CHUK: variants seen among roughly 807,000 people sequenced by gnomAD.
CHUK encodes the protein component of inhibitor of nuclear factor kappa B kinase complex.
Under a neutral mutation model 104.8 loss-of-function variants are expected in CHUK, and 35 were observed. The observed-to-expected ratio is 0.33, with a 90% confidence interval of 0.26 to 0.44. CHUK has a LOEUF of 0.44. Ranked by LOEUF, CHUK falls within the 20% of genes least tolerant of loss-of-function variation. The pLI, the probability that CHUK is intolerant of heterozygous loss-of-function variation, is 1.00. For missense variants in CHUK, 663 were observed against 902.7 expected, an observed-to-expected ratio of 0.73 and a Z score of 3.40; for synonymous variants, 276 against 291.9, an observed-to-expected ratio of 0.95 and a Z score of 0.56.
chr10:100,211,010 G>T (rs923238739), intron 9 of CHUK, among the ~76,000 whole-genome samples: 1 of 152,208 alleles, frequency 6.6e-6, no homozygotes, highest in African/African-American at 2.4e-5. Flanking sequence ...ACATTGACTA[G>T]TATATGCAAA....
rs1845139433 is a variant in CHUK, at chr10:100,189,252, C to G, written c.*346G>C. 9.2e-6 allele frequency: 2 copies of G among 216,774 alleles called. No homozygotes were observed. Among genetic ancestry groups the G allele is most frequent in the East Asian group, 1.0e-4 (1 of 9,960 alleles). The allele number at this position is 216,774 out of a possible 1,614,324, so 13.4% of individuals were successfully genotyped here. A position where few individuals can be genotyped will look rare whatever the true frequency, so the allele number is the denominator to read the frequency against. ...TACGCCCAAAAGTTAAAAGTTGACACTAATACATAGAAGGTATTTTTAATC... is the reference window on the plus strand; with the variant it reads ...TACGCCCAAAAGTTAAAAGTTGACAGTAATACATAGAAGGTATTTTTAATC... On this transcript the variant is annotated 3_prime_UTR_variant, in exon 21 of 21. Transcript: ENST00000370397.
At chr10:100,193,810 A>G (rs980663605) in intron 18 of CHUK, 174 bp downstream of exon 18, 14 of 656,414 alleles carry the variant, frequency 2.1e-5, no homozygotes, top group Non-Finnish European at 3.2e-5. Context: ...AGAGATGATA[A>G]TAAGTCCTGC....
At chr10:100,201,266 T>C (rs1040043760) in intron 14 of CHUK, among the ~76,000 whole-genome samples, 2 of 152,084 alleles carry the variant, frequency 1.3e-5, no homozygotes, top group Non-Finnish European at 2.9e-5. Context: ...AGGAGTGTAA[T>C]AACTTAGGAC....
Position 100,209,769 on chromosome 10 carries a change from C to T in CHUK, c.954G>A (p.Met318Ile), listed in dbSNP as rs1314824076. ...GAAAAGAAATTATCTTTGCAGAAGT[C>T]ATATTTAGGATGTGTACTATCTGTA... ...LNLKIVHILN[M>I]TSAKIISFLL... The change falls in exon 10 of 21, where the codon ATG becomes ATA. Residue 318 changes from methionine to isoleucine, a missense_variant. Physicochemically the swap from Met to Ile is conservative, Grantham distance 10. Coordinates refer to ENST00000370397, the MANE Select transcript of CHUK (RefSeq NM_001278.5). The T allele has an allele frequency of 6.9e-7, 1 of 1,451,420 alleles. No homozygotes were observed. Among genetic ancestry groups the T allele is most frequent in the Non-Finnish European group, 9.7e-7 (1 of 1,032,314 alleles). The allele number at this position is 1,451,420 out of a possible 1,614,324, so 89.9% of individuals were successfully genotyped here.
At position 100,188,970 on chromosome 10, in the gene CHUK, T is replaced by C. The variant is rs1845133702; in HGVS notation, c.*628A>G. ...AACATGATTTATGAAAGCCAACTAATATTAGAAGCACAGATACACAATCCC... is the reference window on the plus strand; with the variant it reads ...AACATGATTTATGAAAGCCAACTAACATTAGAAGCACAGATACACAATCCC... On this transcript the variant is annotated 3_prime_UTR_variant, in exon 21 of 21. Transcript: ENST00000370397. 6.6e-6 allele frequency: 1 copy of C among 152,256 alleles called. No homozygotes were observed. Among genetic ancestry groups the C allele is most frequent in the Admixed American group, 6.5e-5 (1 of 15,296 alleles). 9.4% of individuals were successfully genotyped at this position (152,256 alleles called of 1,614,324 possible). A position where few individuals can be genotyped will look rare whatever the true frequency, so the allele number is the denominator to read the frequency against.
chr10:100,219,679 T>C (rs1845942340), intron 5 of CHUK, among the ~76,000 whole-genome samples: 1 of 152,182 alleles, frequency 6.6e-6, no homozygotes, highest in Admixed American at 6.5e-5. Flanking sequence ...AGGTGGGCTA[T>C]TAATTTTTAT....
chr10:100,223,496 G>C (rs1214589272), intron 2 of CHUK, among the ~76,000 whole-genome samples: 1 of 152,084 alleles, frequency 6.6e-6, no homozygotes, highest in African/African-American at 2.4e-5. Context: ...AAATTAGCCG[G>C]GTGTGGTGGC....
intron 16 of CHUK, among the ~76,000 whole-genome samples, 181 bp downstream of exon 16, chr10:100,199,790 T>A (rs1845420963): frequency 6.6e-6 from 1 of 152,162 alleles, no homozygotes; most frequent in Non-Finnish European, 1.5e-5. Flanking sequence ...CTCTTTATCA[T>A]CTCCTAAATT....
Position 100,218,085 on chromosome 10 carries a change from A to G in CHUK, c.843T>C (p.Asn281=), listed in dbSNP as rs753944985. 5 of 1,612,988 alleles carry G rather than the reference A, an allele frequency of 3.1e-6. No individual in the cohort carries two copies. Among genetic ancestry groups the G allele is most frequent in the East Asian group, 2.2e-5 (1 of 44,878 alleles). The change falls in exon 9 of 21, where the codon AAT becomes AAC. Residue 281 remains asparagine, a synonymous_variant. Transcript: ENST00000370397. ...GTCCTCCTCTCTGCTGAGGGTCCCAATTCAACATCAACTGTAGCCAGTTTT... is the reference window on the plus strand; with the variant it reads ...GTCCTCCTCTCTGCTGAGGGTCCCAGTTCAACATCAACTGTAGCCAGTTTT... ...PMENWLQLML[N]WDPQQRGGPV... is the part of the protein sequence containing the mutation.
rs1295866202 is a variant in CHUK, at chr10:100,190,947, T to C, written c.2130A>G (p.Ile710Met). The C allele has an allele frequency of 1.2e-6, 2 of 1,609,686 alleles. No individual in the cohort carries two copies. The highest frequency in any genetic ancestry group is 1.7e-5 in the Admixed American group (1 of 60,024). Residue 710 changes from isoleucine to methionine, a missense_variant, in exon 20 of 21, where the codon ATA (isoleucine) becomes ATG (methionine). Ile to Met is a conservative substitution (Grantham distance 10, BLOSUM62 1). Around this residue, in one of 5 missense-constraint regions of CHUK, gnomAD observed 311 missense variants for 393.4 expected, o/e 0.79. Transcript: ENST00000370397. ...GGCCAAGGCAGTTCAAATTTTCTTC[T>C]ATCATTTGTGCTGAAGTCTCCCTGT... ...PQDGETSAQMIEENLNCLGHL... is the reference protein window; with the variant it reads ...PQDGETSAQMMEENLNCLGHL...
Position 100,224,881 on chromosome 10 carries a change from C to G in CHUK, c.200+1042G>C, listed in dbSNP as rs76926306. On this transcript the variant is annotated intron_variant, in intron 2 of 20. Coordinates refer to ENST00000370397, the MANE Select transcript of CHUK (RefSeq NM_001278.5). ...TCCTTTTTTTTCAGACAGGGTCTTG[C>G]TCTTGTCACCCAGGCTGGAGTACAG... is the stretch of plus-strand genomic sequence containing the variant. 5.0e-3 allele frequency among the ~76,000 whole-genome samples: 753 copies of G among 150,110 alleles called. 17 individuals carry two copies. The East Asian group carries it at 0.062, about 12-fold the overall frequency.
chr10:100,229,506 C>A lies in CHUK; in HGVS notation c.27G>T (p.Pro9=). 6.4e-7 allele frequency: 1 copy of A among 1,566,518 alleles called. No individual in the cohort carries two copies. Among genetic ancestry groups the A allele is most frequent in the Non-Finnish European group, 8.6e-7 (1 of 1,160,816 alleles). The change falls in exon 1 of 21, where the codon CCG becomes CCT. Residue 9 remains proline (P), a synonymous_variant. Coordinates refer to ENST00000370397, the MANE Select transcript of CHUK (RefSeq NM_001278.5). Reference sequence around the variant, plus strand: ...GCATCTCCCAGGGCCCGCCCGCGCCCGGCCGCAGCCCCGGGGGCCGCTCCA... The same window carrying A: ...GCATCTCCCAGGGCCCGCCCGCGCCAGGCCGCAGCCCCGGGGGCCGCTCCA... The part of the protein sequence containing the change: MERPPGLR[P]GAGGPWEMRE...
At chr10:100,227,579 C>T (rs563825343) in intron 1 of CHUK, among the ~76,000 whole-genome samples, 2 of 151,574 alleles carry the variant, frequency 1.3e-5, no homozygotes, top group Non-Finnish European at 2.9e-5. Flanking sequence ...TATGTTCCCT[C>T]TGATGGTGAG....
chr10:100,218,744 A>G lies in CHUK; in HGVS notation c.771T>C (p.His257=). Residue 257 remains histidine, a synonymous_variant, in exon 8 of 21, where the codon CAT becomes CAC. Coordinates refer to ENST00000370397, the MANE Select transcript of CHUK (RefSeq NM_001278.5). Reference sequence around the variant, plus strand: ...TACAAAGGCTATTTGGTTGAGGTAAATGGCTACTAAACCGAACTTCTCCTG... The same window carrying G: ...TACAAAGGCTATTTGGTTGAGGTAAGTGGCTACTAAACCGAACTTCTCCTG... The part of the protein sequence containing the change: ...EMSGEVRFSS[H]LPQPNSLCSL... 1 of 1,612,880 alleles carries G rather than the reference A, an allele frequency of 6.2e-7. No homozygotes were observed. The highest frequency in any genetic ancestry group is 8.5e-7 in the Non-Finnish European group (1 of 1,178,900).
chr10:100,218,787 AAT>A lies in CHUK; in HGVS notation c.726_727del (p.Phe243CysfsTer3). Reference sequence around the variant, plus strand: ...TTCTCCTGACATCTCTTCACATGCAAATATACACTTTGGATCCTTCTTCTTAA... The same window carrying A: ...TTCTCCTGACATCTCTTCACATGCAAATACACTTTGGATCCTTCTTCTTAA... On this transcript the variant is annotated frameshift_variant, in exon 8 of 21. Transcript: ENST00000370397. LOFTEE classifies it high-confidence loss of function. 6.2e-7 allele frequency: 1 copy of A among 1,613,974 alleles called. No individual in the cohort carries two copies. The highest frequency in any genetic ancestry group is 8.5e-7 in the Non-Finnish European group (1 of 1,179,900).
chr10:100,217,511 A>T (rs2134241764), intron 9 of CHUK, among the ~76,000 whole-genome samples: 1 of 152,352 alleles, frequency 6.6e-6, no homozygotes, highest in East Asian at 1.9e-4. Context: ...CAAAGACCAC[A>T]GAGAAGCAAA....
intron 16 of CHUK, chr10:100,195,025 A>G (rs1845291665): frequency 6.5e-6 from 1 of 154,318 alleles, no homozygotes; most frequent in Non-Finnish European, 1.4e-5. Flanking sequence ...GAAACCAACT[A>G]GTAAAGGGAC....
chr10:100,222,773 C>A, intron 3 of CHUK, 93 bp downstream of exon 3: 1 of 733,120 alleles, frequency 1.4e-6, no homozygotes, highest in South Asian at 1.5e-5. Context: ...CATAGTTTTT[C>A]CGATTCTTAT....
intron 17 of CHUK, 59 bp downstream of exon 17, chr10:100,194,366 G>T: frequency 7.7e-7 from 1 of 1,302,706 alleles, no homozygotes; most frequent in South Asian, 1.2e-5. Flanking sequence ...TTTGTACTTT[G>T]AGAGGAACAA....
Sources: gnomAD v4.1 joint callset for allele counts (sites outside exome capture counted in the v4.1 genomes callset) on GRCh38, gnomAD v4.1.1 for gene constraint, gnomAD v4.1.1 regional missense constraint, MANE v1.5 for transcripts, NCBI Gene and HGNC (gene_info 2026-07-23, HGNC 2026-07-21) for gene names.